PCSK6: variants seen among roughly 807,000 people sequenced by gnomAD.
PCSK6 encodes paired basic amino acid cleaving enzyme 4.
PCSK6 carries 85 observed loss-of-function variants against 123.3 expected under a neutral mutation model. That is an observed-to-expected ratio of 0.69 (90% CI 0.58 to 0.83). The LOEUF is 0.83. Among genes scored for constraint, PCSK6 ranks in the 40% least tolerant of loss-of-function variants. The probability of loss-of-function intolerance (pLI) is 0.00; values close to 1 mark genes in which losing one functional copy is unlikely to be tolerated. For missense variants in PCSK6, 1,191 were observed against 1,282.3 expected (o/e 0.93, Z 1.09); for synonymous variants, 508 against 516.0 (o/e 0.98, Z 0.21).
At chr15:101,369,379 C>T (rs1428929375) in intron 12 of PCSK6, among the ~76,000 whole-genome samples, 1 of 152,244 alleles carries the variant, frequency 6.6e-6, no homozygotes, top group Non-Finnish European at 1.5e-5. Flanking sequence ...TGAATCTCTG[C>T]AGCTCCCTAT....
At chr15:101,470,795 C>A (rs529230921) in intron 1 of PCSK6, among the ~76,000 whole-genome samples, 1 of 152,324 alleles carries the variant, frequency 6.6e-6, no homozygotes, top group South Asian at 2.1e-4. Flanking sequence ...CGGGGTTACA[C>A]AGGATCAGGA....
At chr15:101,348,804 C>T (rs368687950) in intron 13 of PCSK6, among the ~76,000 whole-genome samples, 66 of 152,170 alleles carry the variant, frequency 4.3e-4, no homozygotes, top group African/African-American at 1.5e-3. Flanking sequence ...ACTCAGACCA[C>T]GCCTGCCAGC....
intron 6 of PCSK6, among the ~76,000 whole-genome samples, chr15:101,401,749 G>T (rs971712599): frequency 6.6e-6 from 1 of 152,210 alleles, no homozygotes; most frequent in Non-Finnish European, 1.5e-5. Context: ...AGCATTCAAC[G>T]TGTGTGTTTG....
At chr15:101,356,505 CAAA>C (rs34350017) in intron 13 of PCSK6, among the ~76,000 whole-genome samples, 22,776 of 85,998 alleles carry the variant, frequency 0.26, 2,039 homozygotes, top group Admixed American at 0.37. Flanking sequence ...ACTAAAACTA[CAAA>C]AAAAAAAAAA....
At chr15:101,394,538 G>A (rs181188004) in intron 7 of PCSK6, among the ~76,000 whole-genome samples, 5 of 152,306 alleles carry the variant, frequency 3.3e-5, no homozygotes, top group South Asian at 4.1e-4. Flanking sequence ...CCACCTCCAC[G>A]GGAAACTGGA....
Position 101,430,122 on chromosome 15 carries a change from T to C in PCSK6, c.658-59A>G, listed in dbSNP as rs77417453. 1,566 of 1,372,512 alleles carry C rather than the reference T, an allele frequency of 1.1e-3. 11 individuals carry two copies. In the African/African-American group the frequency reaches 0.017, roughly 15 times the overall value. The allele number at this position is 1,372,512 out of a possible 1,614,324, so 85.0% of individuals were successfully genotyped here. ...TGGCATGTGACAGCTCTGTTTGAAA[T>C]GGATTTTATGTTCCGTTGGCAAATA... On this transcript the variant is annotated intron_variant, in intron 4 of 21. Coordinates refer to ENST00000611716, the MANE Select transcript of PCSK6 (RefSeq NM_002570.5).
At chr15:101,375,006 G>A (rs1414538666) in intron 11 of PCSK6, among the ~76,000 whole-genome samples, 1 of 150,996 alleles carries the variant, frequency 6.6e-6, no homozygotes, top group Non-Finnish European at 1.5e-5. Flanking sequence ...AGGCTGGAGT[G>A]CAGTGGTGCT....
intron 1 of PCSK6, among the ~76,000 whole-genome samples, chr15:101,488,794 C>G (rs1191198758): frequency 6.6e-6 from 1 of 151,530 alleles, no homozygotes; most frequent in Non-Finnish European, 1.5e-5. Flanking sequence ...GTGCAGGCTC[C>G]CGGCCATCTA....
At chr15:101,329,660 G>A (rs918095408) in intron 15 of PCSK6, among the ~76,000 whole-genome samples, 2 of 152,218 alleles carry the variant, frequency 1.3e-5, no homozygotes, top group Non-Finnish European at 2.9e-5. Flanking sequence ...CTGGAACTCC[G>A]TCTTCCAGAC....
chr15:101,323,996 C>T (rs1222883461), intron 17 of PCSK6, among the ~76,000 whole-genome samples: 2 of 152,176 alleles, frequency 1.3e-5, no homozygotes, highest in Non-Finnish European at 2.9e-5. Flanking sequence ...TCTCCCAGGG[C>T]GAGGCGAATT....
chr15:101,359,983 C>T (rs574679895), intron 13 of PCSK6, among the ~76,000 whole-genome samples: 37 of 152,292 alleles, frequency 2.4e-4, no homozygotes, highest in African/African-American at 8.7e-4. Context: ...GATCTTCTCT[C>T]CAGCATCTTC....
intron 6 of PCSK6, among the ~76,000 whole-genome samples, chr15:101,407,220 C>G (rs778219972): frequency 6.6e-6 from 1 of 152,204 alleles, no homozygotes; most frequent in Non-Finnish European, 1.5e-5. Context: ...GGGCCATAGT[C>G]TCAGCCTCTC....
At chr15:101,478,101 C>T (rs1375958491) in intron 1 of PCSK6, among the ~76,000 whole-genome samples, 1 of 152,166 alleles carries the variant, frequency 6.6e-6, no homozygotes, top group African/African-American at 2.4e-5. Context: ...TCCTTGTAGC[C>T]TTTCCTAATA....
chr15:101,471,560 T>C (rs958447885), intron 1 of PCSK6, among the ~76,000 whole-genome samples: 5 of 152,224 alleles, frequency 3.3e-5, no homozygotes, highest in Non-Finnish European at 7.3e-5. Context: ...CAAAGTAAAC[T>C]GCAGTATCAG....
At chr15:101,345,164 AG>A (rs1454806682) in intron 13 of PCSK6, among the ~76,000 whole-genome samples, 1 of 152,172 alleles carries the variant, frequency 6.6e-6, no homozygotes, top group Non-Finnish European at 1.5e-5. Context: ...TTCAAGCAAA[AG>A]CCGGACCATG....
At chr15:101,485,081 C>T (rs977599936) in intron 1 of PCSK6, among the ~76,000 whole-genome samples, 1 of 152,216 alleles carries the variant, frequency 6.6e-6, no homozygotes. Flanking sequence ...GCTCTATATC[C>T]TTGCCAGCAC....
intron 1 of PCSK6, among the ~76,000 whole-genome samples, chr15:101,467,808 C>T (rs773003547): frequency 1.3e-5 from 2 of 152,258 alleles, no homozygotes; most frequent in Middle Eastern, 6.8e-3. Flanking sequence ...TGCTCAAAAC[C>T]AAAGCTAAGC....
chr15:101,378,514 G>A (rs188157354), intron 11 of PCSK6, among the ~76,000 whole-genome samples: 3 of 152,352 alleles, frequency 2.0e-5, no homozygotes, highest in Non-Finnish European at 4.4e-5. Context: ...ACCCCGTGTG[G>A]GCTCCTGGAG....
At chr15:101,457,605 A>G (rs958355689) in intron 1 of PCSK6, among the ~76,000 whole-genome samples, 1 of 152,222 alleles carries the variant, frequency 6.6e-6, no homozygotes, top group African/African-American at 2.4e-5. Context: ...TTCAATTCTT[A>G]AAAATATATA....
Sources: gnomAD v4.1 joint callset for allele counts (sites outside exome capture counted in the v4.1 genomes callset) on GRCh38, gnomAD v4.1.1 for gene constraint, MANE v1.5 for transcripts, NCBI Gene and HGNC (gene_info 2026-07-23, HGNC 2026-07-21) for gene names.